The following LTBP1 variants were observed in gnomAD, a reference collection of about 807,000 sequenced individuals.
LTBP1 encodes the protein latent transforming growth factor beta binding protein 1.
A neutral mutation model predicts 207.6 loss-of-function variants in LTBP1; 129 were observed. That is an observed-to-expected ratio of 0.62 (90% CI 0.54 to 0.72). The LOEUF (loss-of-function observed/expected upper bound fraction) is 0.72, where lower values mean the gene tolerates loss of function less well. LTBP1 is among the 30% of genes least tolerant of loss of function. LTBP1 has a pLI of 0.00. For synonymous variants in LTBP1, 963 were observed against 833.7 expected, an observed-to-expected ratio of 1.16 and a Z score of -2.67; for missense variants, 2,281 against 2,217.2, an observed-to-expected ratio of 1.03 and a Z score of -0.58.
chr2:32,949,390 C>T (rs1412906179), intron 2 of LTBP1, among the ~76,000 whole-genome samples: 1 of 152,186 alleles, frequency 6.6e-6, no homozygotes, highest in Non-Finnish European at 1.5e-5. Flanking sequence ...TTTATAGCTT[C>T]CTGAAAACAG....
chr2:33,206,190 G>A (rs558206567), intron 7 of LTBP1, among the ~76,000 whole-genome samples: 1 of 152,204 alleles, frequency 6.6e-6, no homozygotes, highest in East Asian at 1.9e-4. Flanking sequence ...TGCACCCAGG[G>A]ATCTAAATGA....
chr2:33,189,190 T>TATCG (rs1558782662), intron 7 of LTBP1, among the ~76,000 whole-genome samples: 1 of 150,952 alleles, frequency 6.6e-6, no homozygotes, highest in Non-Finnish European at 1.5e-5. Flanking sequence ...TTTATTTGTT[T>TATCG]ATTGATTGAT....
intron 9 of LTBP1, among the ~76,000 whole-genome samples, chr2:33,238,008 T>G (rs2092129184): frequency 6.6e-6 from 1 of 152,096 alleles, no homozygotes; most frequent in Admixed American, 6.6e-5. Flanking sequence ...TCGTGGTATG[T>G]CTACCCAGTG....
At chr2:32,985,996 G>GT (rs1289133389) in intron 2 of LTBP1, among the ~76,000 whole-genome samples, 1 of 151,976 alleles carries the variant, frequency 6.6e-6, no homozygotes, top group Non-Finnish European at 1.5e-5. Flanking sequence ...TTCTAAGGGT[G>GT]TTTTTTTCCT....
At chr2:33,321,141 T>C (rs2094347770) in intron 24 of LTBP1, among the ~76,000 whole-genome samples, 1 of 152,194 alleles carries the variant, frequency 6.6e-6, no homozygotes, top group Non-Finnish European at 1.5e-5. Context: ...ATGATTCTAC[T>C]ATTTGATTGA....
chr2:33,236,565 T>C (rs1340019928), intron 9 of LTBP1, among the ~76,000 whole-genome samples: 1 of 152,206 alleles, frequency 6.6e-6, no homozygotes, highest in Non-Finnish European at 1.5e-5. Flanking sequence ...AAAAAGGAAA[T>C]GTCTGTTTAT....
At chr2:33,164,385 A>T (rs962780194) in intron 5 of LTBP1, among the ~76,000 whole-genome samples, 3 of 148,538 alleles carry the variant, frequency 2.0e-5, no homozygotes, top group Non-Finnish European at 3.0e-5. Context: ...AAAAAAGATT[A>T]AGAATAATGG....
chr2:33,095,594 G>C (rs9678351), intron 3 of LTBP1, among the ~76,000 whole-genome samples: 16,169 of 152,114 alleles, frequency 0.11, 1,068 homozygotes, highest in Non-Finnish European at 0.15. Flanking sequence ...GACTCATAGA[G>C]AAGAGATAAA....
intron 7 of LTBP1, among the ~76,000 whole-genome samples, chr2:33,201,272 A>T (rs1468674819): frequency 2.6e-5 from 4 of 152,218 alleles, no homozygotes; most frequent in African/African-American, 9.7e-5. Context: ...TGTGGCACAT[A>T]TACACCATGG....
At chr2:33,201,254 T>G (rs1573139459) in intron 7 of LTBP1, among the ~76,000 whole-genome samples, 1 of 152,032 alleles carries the variant, frequency 6.6e-6, no homozygotes, top group East Asian at 1.9e-4. Context: ...TAGACTGGAT[T>G]AAGAAAATGT....
intron 10 of LTBP1, 95 bp downstream of exon 10, chr2:33,243,879 G>A (rs2092421871): frequency 7.3e-7 from 1 of 1,370,796 alleles, no homozygotes; most frequent in Middle Eastern, 2.1e-4. Context: ...CTGAATGCTT[G>A]TAAATATACA....
intron 24 of LTBP1, among the ~76,000 whole-genome samples, chr2:33,325,426 G>C (rs2094414205): frequency 6.6e-6 from 1 of 152,116 alleles, no homozygotes; most frequent in African/African-American, 2.4e-5. Flanking sequence ...CCTGTCTGTA[G>C]GGCTTTCTCC....
chr2:33,397,396 A>T lies in LTBP1; in HGVS notation c.4984+114A>T, dbSNP rs973586991. 3.1e-5 allele frequency: 37 copies of T among 1,200,080 alleles called. No homozygotes were observed. The Admixed American group carries it at 6.1e-4, about 20-fold the overall frequency. 74.3% of individuals were successfully genotyped at this position (1,200,080 alleles called of 1,614,324 possible). A position where few individuals can be genotyped will look rare whatever the true frequency, so the allele number is the denominator to read the frequency against. On this transcript the variant is annotated intron_variant, in intron 33 of 33. Coordinates refer to ENST00000404816, the MANE Select transcript of LTBP1 (RefSeq NM_206943.4). ...GAGTTTCAGTTTGAGAAGATGAGAA[A>T]AGTTCTGGAGATGTACATTAAGTAC...
At chr2:32,950,595 C>T (rs1187770166) in intron 2 of LTBP1, among the ~76,000 whole-genome samples, 1 of 150,520 alleles carries the variant, frequency 6.6e-6, no homozygotes, top group African/African-American at 2.4e-5. Context: ...CATGGTGGTG[C>T]ATGCCTGTAA....
rs2080351696 is a variant in LTBP1, at chr2:33,110,667, C to T, written c.949C>T (p.Gln317Ter). 1.2e-6 allele frequency: 2 copies of T among 1,614,158 alleles called. No individual in the cohort carries two copies. The highest frequency in any genetic ancestry group is 1.7e-6 in the Non-Finnish European group (2 of 1,180,016). The part of the protein sequence containing the change: ...YVLKPKYFPA[Q>*]KGISGEQSTE... Reference sequence around the variant, plus strand: ...GCTCAAGCCCAAGTACTTTCCAGCCCAGAAGGGGATTTCAGGAGAGCAGTC... The same window carrying T: ...GCTCAAGCCCAAGTACTTTCCAGCCTAGAAGGGGATTTCAGGAGAGCAGTC... Residue 317 changes from glutamine (Q) to a stop codon, truncating the protein, a stop_gained, in exon 4 of 34, where the codon CAG (glutamine) becomes TAG (stop). Coordinates refer to ENST00000404816, the MANE Select transcript of LTBP1 (RefSeq NM_206943.4). LOFTEE classifies it high-confidence loss of function.
intron 15 of LTBP1, among the ~76,000 whole-genome samples, chr2:33,267,920 CTTAAT>C: frequency 6.6e-6 from 1 of 152,268 alleles, no homozygotes; most frequent in South Asian, 2.1e-4. Flanking sequence ...TTGTTAGAGG[CTTAAT>C]TTGAGTTTGG....
chr2:33,268,529 C>T (rs906526809), intron 15 of LTBP1, among the ~76,000 whole-genome samples: 16 of 152,162 alleles, frequency 1.1e-4, no homozygotes, highest in African/African-American at 2.9e-4. Flanking sequence ...GCAGGAAATA[C>T]GTGTGATGTT....
intron 22 of LTBP1, among the ~76,000 whole-genome samples, chr2:33,304,047 A>G (rs1158808562): frequency 1.3e-5 from 2 of 152,252 alleles, no homozygotes; most frequent in East Asian, 3.8e-4. Flanking sequence ...ACAGAAGTCT[A>G]AGGTTTTTAT....
chr2:32,968,507 A>G (rs552321601), intron 2 of LTBP1, among the ~76,000 whole-genome samples: 59 of 152,236 alleles, frequency 3.9e-4, no homozygotes, highest in African/African-American at 1.4e-3. Context: ...ATTTATATCA[A>G]TCTTTATATT....
Sources: gnomAD v4.1 joint callset for allele counts (sites outside exome capture counted in the v4.1 genomes callset) on GRCh38, gnomAD v4.1.1 for gene constraint, MANE v1.5 for transcripts, NCBI Gene and HGNC (gene_info 2026-07-23, HGNC 2026-07-21) for gene names.